Variants in JUNB observed in about 807,000 individuals in gnomAD.
JUNB encodes transcription factor JunB.
A neutral mutation model predicts 16.4 loss-of-function variants in JUNB; 6 were observed. The ratio of observed to expected loss-of-function variants is 0.37; its 90% confidence interval spans 0.20 to 0.72. The LOEUF is 0.72. Among genes scored for constraint, JUNB ranks in the 30% least tolerant of loss-of-function variants. The pLI is 0.53. For synonymous variants in JUNB, 226 were observed against 232.8 expected, an observed-to-expected ratio of 0.97 and a Z score of 0.27; for missense variants, 389 against 492.9, an observed-to-expected ratio of 0.79 and a Z score of 2.00.
At position 12,791,734 on chromosome 19, in the gene JUNB, C is replaced by T; in HGVS notation, c.-38C>T. Reference sequence around the variant, plus strand: ...TCGCTGCAGCGAGGCCCGGAGCGGCCCCGCAGGGACCCTCCCCAGACCGCC... The same window carrying T: ...TCGCTGCAGCGAGGCCCGGAGCGGCTCCGCAGGGACCCTCCCCAGACCGCC... On this transcript the variant is annotated 5_prime_UTR_variant, in exon 1 of 1. Coordinates refer to ENST00000302754, the MANE Select transcript of JUNB (RefSeq NM_002229.3). The surrounding 1 kb of genome is among the most constrained non-coding windows in gnomAD (Gnocchi z 7.0). 1 of 1,499,398 alleles carries T rather than the reference C, an allele frequency of 6.7e-7. No homozygotes were observed. 92.9% of individuals were successfully genotyped at this position (1,499,398 alleles called of 1,614,324 possible).
chr19:12,792,937 C>G lies in JUNB; in HGVS notation c.*122C>G, dbSNP rs922639087. ...GGACCTAGGGGCGCCGCAAACCACA[C>G]TGGACTCCGGCCCTCCTACCCTGCG... On this transcript the variant is annotated 3_prime_UTR_variant, in exon 1 of 1. Coordinates refer to ENST00000302754, the MANE Select transcript of JUNB (RefSeq NM_002229.3). 3 of 1,112,524 alleles carry G rather than the reference C, an allele frequency of 2.7e-6. No homozygotes were observed. The highest frequency in any genetic ancestry group is 5.2e-5 in the East Asian group (2 of 38,280). The allele number at this position is 1,112,524 out of a possible 1,614,324, so 68.9% of individuals were successfully genotyped here.
At position 12,791,906 on chromosome 19, in the gene JUNB, C is replaced by A. The variant is rs765894648; in HGVS notation, c.135C>A (p.Asp45Glu). Reference protein sequence around the residue: ...LKPSLAVNLADPYRSLKAPGA... With the variant: ...LKPSLAVNLAEPYRSLKAPGA... ...CGAGCCTGGCGGTCAACCTGGCCGA[C>A]CCCTACCGGAGTCTCAAAGCGCCTG... is the stretch of plus-strand genomic sequence containing the variant. The change falls in exon 1 of 1, where the codon GAC becomes GAA. Residue 45 changes from aspartate (D) to glutamate (E), a missense_variant. Asp to Glu is a conservative substitution (Grantham distance 45). Transcript: ENST00000302754. The surrounding 1 kb of genome is among the most constrained non-coding windows in gnomAD (Gnocchi z 7.0). 2.5e-6 allele frequency: 4 copies of A among 1,613,306 alleles called. No individual in the cohort carries two copies. The highest frequency in any genetic ancestry group is 1.7e-5 in the Admixed American group (1 of 59,992).
Position 12,792,367 on chromosome 19 carries a change from G to C in JUNB, c.596G>C (p.Gly199Ala). Residue 199 changes from glycine (G) to alanine (A), a missense_variant, in exon 1 of 1, where the codon GGG becomes GCG. Physicochemically the swap from Gly to Ala is moderately conservative, Grantham distance 60 (BLOSUM62 0). Transcript: ENST00000302754. ...SPASASSGGA[G>A]AAVGTGSSYP... ...GCCTCTGCGTCCTCGGGAGGCGCCG[G>C]GGCTGCCGTCGGGACCGGGAGCTCG... 1 of 1,557,572 alleles carries C rather than the reference G, an allele frequency of 6.4e-7. No homozygotes were observed. Among genetic ancestry groups the C allele is most frequent in the African/African-American group, 1.4e-5 (1 of 73,608 alleles).
chr19:12,793,100 T>A lies in JUNB; in HGVS notation c.*285T>A. The A allele has an allele frequency of 3.0e-6, 1 of 330,908 alleles. No individual in the cohort carries two copies. The highest frequency in any genetic ancestry group is 2.1e-5 in the African/African-American group (1 of 47,528). 20.5% of individuals were successfully genotyped at this position (330,908 alleles called of 1,614,324 possible). A position where few individuals can be genotyped will look rare whatever the true frequency, so the allele number is the denominator to read the frequency against. On this transcript the variant is annotated 3_prime_UTR_variant, in exon 1 of 1. Transcript: ENST00000302754. This position sits in a 1 kb window ranked among gnomAD's most constrained non-coding sequence, Gnocchi z 6.1. ...TAACAGGGAGGGGAAGAGGGGGCGATCGCGGCGGAGCTGGCCCCGCCGCCT... is the reference window on the plus strand; with the variant it reads ...TAACAGGGAGGGGAAGAGGGGGCGAACGCGGCGGAGCTGGCCCCGCCGCCT...
chr19:12,791,515 G>T lies in JUNB; in HGVS notation c.-257G>T. The T allele has an allele frequency of 2.3e-6, 1 of 433,940 alleles. No individual in the cohort carries two copies. Among genetic ancestry groups the T allele is most frequent in the South Asian group, 3.9e-5 (1 of 25,438 alleles). 26.9% of individuals were successfully genotyped at this position (433,940 alleles called of 1,614,324 possible). On this transcript the variant is annotated 5_prime_UTR_variant, in exon 1 of 1. Transcript: ENST00000302754. This position sits in a 1 kb window ranked among gnomAD's most constrained non-coding sequence, Gnocchi z 7.0. Reference sequence around the variant, plus strand: ...CCTTGAGAGCGGCCAGGCCAGCCTCGGAGCCAGCAGGGAGCTGGGAGCTGG... The same window carrying T: ...CCTTGAGAGCGGCCAGGCCAGCCTCTGAGCCAGCAGGGAGCTGGGAGCTGG...
chr19:12,792,105 C>A lies in JUNB; in HGVS notation c.334C>A (p.Pro112Thr), dbSNP rs770925811. 5 of 1,599,900 alleles carry A rather than the reference C, an allele frequency of 3.1e-6. No homozygotes were observed. In the South Asian group the frequency reaches 5.6e-5, roughly 18 times the overall value. The change falls in exon 1 of 1, where the codon CCC becomes ACC. Residue 112 changes from proline (P) to threonine (T), a missense_variant. Pro to Thr is a conservative substitution (Grantham distance 38, BLOSUM62 -1). This residue lies in a region of JUNB where 349 missense variants were observed against 389.8 expected (regional missense o/e 0.90). Transcript: ENST00000302754. ...TACACCCCCGGGACAGTACTTTTAC[C>A]CCCGCGGGGGTGGCAGCGGTGGAGG... Reference protein sequence around the residue: ...TPTPPGQYFYPRGGGSGGGAG... With the variant: ...TPTPPGQYFYTRGGGSGGGAG...
chr19:12,792,297 C>T lies in JUNB; in HGVS notation c.526C>T (p.Pro176Ser). The T allele has an allele frequency of 6.7e-7, 1 of 1,499,332 alleles. No individual in the cohort carries two copies. The highest frequency in any genetic ancestry group is 8.9e-7 in the Non-Finnish European group (1 of 1,121,810). 92.9% of individuals were successfully genotyped at this position (1,499,332 alleles called of 1,614,324 possible). Residue 176 changes from proline to serine, a missense_variant, in exon 1 of 1, where the codon CCG (proline) becomes TCG (serine). Physicochemically the swap from Pro to Ser is moderately conservative, Grantham distance 74. Around this residue, in one of 2 missense-constraint regions of JUNB, gnomAD observed 349 missense variants for 389.8 expected, o/e 0.90. Transcript: ENST00000302754. ...TGGGCCCGGGGGCGTCTACGCCGGC[C>T]CGGAGCCACCTCCCGTTTACACCAA... is the stretch of plus-strand genomic sequence containing the variant. ...PAGPGGVYAG[P>S]EPPPVYTNLS...
At position 12,792,668 on chromosome 19, in the gene JUNB, G is replaced by A. The variant is rs1412102115; in HGVS notation, c.897G>A (p.Lys299=). 3.8e-6 allele frequency: 6 copies of A among 1,578,388 alleles called. No individual in the cohort carries two copies. Among genetic ancestry groups the A allele is most frequent in the Middle Eastern group, 1.7e-4 (1 of 6,042 alleles). ...AGCGCATCGCGCGCCTGGAGGACAA[G>A]GTGAAGACGCTCAAGGCCGAGAACG... ...KLERIARLED[K]VKTLKAENAG... The change falls in exon 1 of 1, where the codon AAG becomes AAA. Residue 299 remains lysine (K), a synonymous_variant. Transcript: ENST00000302754.
chr19:12,791,919 C>G lies in JUNB; in HGVS notation c.148C>G (p.Leu50Val), dbSNP rs1313767820. Residue 50 changes from leucine to valine, a missense_variant, in exon 1 of 1, where the codon CTC becomes GTC. Physicochemically the swap from Leu to Val is conservative, Grantham distance 32. Around this residue, in one of 2 missense-constraint regions of JUNB, gnomAD observed 349 missense variants for 389.8 expected, o/e 0.90. Coordinates refer to ENST00000302754, the MANE Select transcript of JUNB (RefSeq NM_002229.3). This position sits in a 1 kb window ranked among gnomAD's most constrained non-coding sequence, Gnocchi z 7.0. ...AVNLADPYRS[L>V]KAPGARGPGP... is the part of the protein sequence containing the mutation. ...CAACCTGGCCGACCCCTACCGGAGT[C>G]TCAAAGCGCCTGGGGCTCGCGGACC... is the stretch of plus-strand genomic sequence containing the variant. 9 of 1,613,156 alleles carry G rather than the reference C, an allele frequency of 5.6e-6. No homozygotes were observed. The highest frequency in any genetic ancestry group is 7.6e-6 in the Non-Finnish European group (9 of 1,179,852).
Position 12,792,455 on chromosome 19 carries a change from G to A in JUNB, c.684G>A (p.Ala228=), listed in dbSNP as rs1163976315. 1.9e-6 allele frequency: 3 copies of A among 1,600,230 alleles called. No individual in the cohort carries two copies. Among genetic ancestry groups the A allele is most frequent in the Non-Finnish European group, 8.5e-7 (1 of 1,176,608 alleles). Residue 228 remains alanine, a synonymous_variant, in exon 1 of 1, where the codon GCG becomes GCA. Transcript: ENST00000302754. ...HAPPFAGGHP[A]QLGLGRGAST... is the part of the protein sequence containing the mutation. ...CGCCCTTCGCCGGTGGCCACCCGGC[G>A]CAGCTGGGCTTGGGCCGCGGCGCCT...
At position 12,792,107 on chromosome 19, in the gene JUNB, C is replaced by A; in HGVS notation, c.336C>A (p.Pro112=). 1 of 1,600,040 alleles carries A rather than the reference C, an allele frequency of 6.2e-7. No homozygotes were observed. ...TPTPPGQYFY[P]RGGGSGGGAG... is the part of the protein sequence containing the mutation. ...CACCCCCGGGACAGTACTTTTACCC[C>A]CGCGGGGGTGGCAGCGGTGGAGGTG... The change falls in exon 1 of 1, where the codon CCC becomes CCA. Residue 112 remains proline, a synonymous_variant. Transcript: ENST00000302754.
In JUNB at chr19:12,792,349, C is replaced by T. The variant is rs1173408858; in HGVS notation, c.578C>T (p.Ala193Val). 3 of 1,539,430 alleles carry T rather than the reference C, an allele frequency of 1.9e-6. No individual in the cohort carries two copies. Among genetic ancestry groups the T allele is most frequent in the Non-Finnish European group, 1.8e-6 (2 of 1,141,982 alleles). ...TNLSSYSPAS[A>V]SSGGAGAAVG... ...CTCAGCAGCTACTCCCCAGCCTCTG[C>T]GTCCTCGGGAGGCGCCGGGGCTGCC... Residue 193 changes from alanine (A) to valine (V), a missense_variant, in exon 1 of 1, where the codon GCG becomes GTG. Transcript: ENST00000302754.
Position 12,791,954 on chromosome 19 carries a change from G to A in JUNB, c.183G>A (p.Glu61=). The change falls in exon 1 of 1, where the codon GAG becomes GAA. Residue 61 remains glutamate, a synonymous_variant. Coordinates refer to ENST00000302754, the MANE Select transcript of JUNB (RefSeq NM_002229.3). This position sits in a 1 kb window ranked among gnomAD's most constrained non-coding sequence, Gnocchi z 7.0. ...KAPGARGPGP[E]GGGGGSYFSG... ...CTGGGGCTCGCGGACCCGGCCCAGA[G>A]GGCGGCGGTGGCGGCAGCTACTTTT... 1 of 1,611,186 alleles carries A rather than the reference G, an allele frequency of 6.2e-7. No homozygotes were observed. The highest frequency in any genetic ancestry group is 8.5e-7 in the Non-Finnish European group (1 of 1,179,408).
In JUNB at chr19:12,791,880, C is replaced by T; in HGVS notation, c.109C>T (p.Pro37Ser). ...LSLHDYKLLK[P>S]SLAVNLADPY... ...TCTACACGACTACAAACTCCTGAAA[C>T]CGAGCCTGGCGGTCAACCTGGCCGA... Residue 37 changes from proline to serine, a missense_variant, in exon 1 of 1, where the codon CCG becomes TCG. Transcript: ENST00000302754. The surrounding 1 kb of genome is among the most constrained non-coding windows in gnomAD (Gnocchi z 7.0). 6.2e-7 allele frequency: 1 copy of T among 1,613,508 alleles called. No homozygotes were observed. The highest frequency in any genetic ancestry group is 8.5e-7 in the Non-Finnish European group (1 of 1,179,898).
At position 12,792,402 on chromosome 19, in the gene JUNB, A is replaced by G. The variant is rs1599523447; in HGVS notation, c.631A>G (p.Thr211Ala). 1 of 1,599,626 alleles carries G rather than the reference A, an allele frequency of 6.3e-7. No homozygotes were observed. Among genetic ancestry groups the G allele is most frequent in the Non-Finnish European group, 8.5e-7 (1 of 1,176,028 alleles). ...CGGGACCGGGAGCTCGTACCCGACG[A>G]CCACCATCAGCTACCTCCCACACGC... is the stretch of plus-strand genomic sequence containing the variant. ...AVGTGSSYPT[T>A]TISYLPHAPP... Residue 211 changes from threonine to alanine, a missense_variant, in exon 1 of 1, where the codon ACC (threonine) becomes GCC (alanine). Physicochemically the swap from Thr to Ala is moderately conservative, Grantham distance 58. Transcript: ENST00000302754.
rs766190076 is a variant in JUNB, at chr19:12,791,890, C to T, written c.119C>T (p.Ala40Val). ...HDYKLLKPSL[A>V]VNLADPYRSL... ...TACAAACTCCTGAAACCGAGCCTGG[C>T]GGTCAACCTGGCCGACCCCTACCGG... The change falls in exon 1 of 1, where the codon GCG becomes GTG. Residue 40 changes from alanine to valine, a missense_variant. By Grantham distance (64) the Ala-to-Val change is moderately conservative (BLOSUM62 0). Around this residue, in one of 2 missense-constraint regions of JUNB, gnomAD observed 349 missense variants for 389.8 expected, o/e 0.90. Transcript: ENST00000302754. The surrounding 1 kb of genome is among the most constrained non-coding windows in gnomAD (Gnocchi z 7.0). 15 of 1,613,272 alleles carry T rather than the reference C, an allele frequency of 9.3e-6. No homozygotes were observed. The highest frequency in any genetic ancestry group is 1.3e-5 in the Non-Finnish European group (15 of 1,179,900).
Position 12,791,915 on chromosome 19 carries a change from G to C in JUNB, c.144G>C (p.Arg48=). 1 of 1,613,178 alleles carries C rather than the reference G, an allele frequency of 6.2e-7. No individual in the cohort carries two copies. The highest frequency in any genetic ancestry group is 8.5e-7 in the Non-Finnish European group (1 of 1,179,868). The change falls in exon 1 of 1, where the codon CGG becomes CGC. Residue 48 remains arginine, a synonymous_variant. Coordinates refer to ENST00000302754, the MANE Select transcript of JUNB (RefSeq NM_002229.3). This position sits in a 1 kb window ranked among gnomAD's most constrained non-coding sequence, Gnocchi z 7.0. Reference sequence around the variant, plus strand: ...CGGTCAACCTGGCCGACCCCTACCGGAGTCTCAAAGCGCCTGGGGCTCGCG... The same window carrying C: ...CGGTCAACCTGGCCGACCCCTACCGCAGTCTCAAAGCGCCTGGGGCTCGCG... ...SLAVNLADPY[R]SLKAPGARGP...
Position 12,791,809 on chromosome 19 carries a change from A to G in JUNB, c.38A>G (p.Asp13Gly), listed in dbSNP as rs754548911. 12 of 1,612,756 alleles carry G rather than the reference A, an allele frequency of 7.4e-6. No homozygotes were observed. The highest frequency in any genetic ancestry group is 8.5e-7 in the Non-Finnish European group (1 of 1,179,464). The change falls in exon 1 of 1, where the codon GAC becomes GGC. Residue 13 changes from aspartate (D) to glycine (G), a missense_variant. Asp to Gly is a moderately conservative substitution (Grantham distance 94). Coordinates refer to ENST00000302754, the MANE Select transcript of JUNB (RefSeq NM_002229.3). This position sits in a 1 kb window ranked among gnomAD's most constrained non-coding sequence, Gnocchi z 7.0. ...ATGGAACAGCCCTTCTACCACGACG[A>G]CTCATACACAGCTACGGGATACGGC... ...TKMEQPFYHD[D>G]SYTATGYGRA... is the part of the protein sequence containing the mutation.
chr19:12,791,823 A>G lies in JUNB; in HGVS notation c.52A>G (p.Thr18Ala), dbSNP rs377693229. The change falls in exon 1 of 1, where the codon ACG becomes GCG. Residue 18 changes from threonine to alanine, a missense_variant. Transcript: ENST00000302754. This position sits in a 1 kb window ranked among gnomAD's most constrained non-coding sequence, Gnocchi z 7.0. The part of the protein sequence containing the change: ...PFYHDDSYTA[T>A]GYGRAPGGLS... ...CTACCACGACGACTCATACACAGCTACGGGATACGGCCGGGCCCCTGGTGG... is the reference window on the plus strand; with the variant it reads ...CTACCACGACGACTCATACACAGCTGCGGGATACGGCCGGGCCCCTGGTGG... The G allele has an allele frequency of 1.1e-5, 17 of 1,613,588 alleles. 2 individuals carry two copies. The African/African-American group carries it at 1.5e-4, about 14-fold the overall frequency.
Sources: gnomAD v4.1 joint callset for allele counts on GRCh38, gnomAD v4.1.1 for gene constraint, gnomAD v4.1.1 regional missense constraint, Gnocchi (gnomAD v3.1) non-coding constraint, MANE v1.5 for transcripts, NCBI Gene and HGNC (gene_info 2026-07-23, HGNC 2026-07-21) for gene names.